Variants in ZFAND6 observed in about 807,000 individuals in gnomAD.
ZFAND6 encodes the protein AN1-type zinc finger protein 6.
A neutral mutation model predicts 24.5 loss-of-function variants in ZFAND6; 12 were observed. That is an observed-to-expected ratio of 0.49 (90% CI 0.31 to 0.79). The LOEUF is 0.79. Ranked by LOEUF, ZFAND6 falls within the 30% of genes least tolerant of loss-of-function variation. ZFAND6 has a pLI of 0.04. For missense variants in ZFAND6, 207 were observed against 245.9 expected, an observed-to-expected ratio of 0.84 and a Z score of 1.06; for synonymous variants, 92 against 81.5, an observed-to-expected ratio of 1.13 and a Z score of -0.69.
chr15:80,063,558 A>ATT lies in ZFAND6; in HGVS notation c.-181+3765_-181+3766dup, dbSNP rs34010352. On this transcript the variant is annotated intron_variant, in intron 1 of 6. Coordinates refer to ENST00000261749, the MANE Select transcript of ZFAND6 (RefSeq NM_019006.4). Reference sequence around the variant, plus strand: ...AGACATGCACCACCACGCCCAGCTAATTTTTTTTTTTTTTTTTGAGACGGA... The same window carrying ATT: ...AGACATGCACCACCACGCCCAGCTAATTTTTTTTTTTTTTTTTTTGAGACGGA... 3.7e-4 allele frequency among the ~76,000 whole-genome samples: 52 copies of ATT among 139,626 alleles called. 1 individual carries two copies. Among genetic ancestry groups the ATT allele is most frequent in the East Asian group, 1.9e-3 (9 of 4,802 alleles). 91.6% of individuals were successfully genotyped at this position (139,626 alleles called of 152,430 possible). A position where few individuals can be genotyped will look rare whatever the true frequency, so the allele number is the denominator to read the frequency against.
At chr15:80,063,953 G>A (rs1320828220) in intron 1 of ZFAND6, among the ~76,000 whole-genome samples, 1 of 152,232 alleles carries the variant, frequency 6.6e-6, no homozygotes, top group African/African-American at 2.4e-5. Flanking sequence ...CTCCCAAAGT[G>A]CTGGGATTAC....
intron 1 of ZFAND6, among the ~76,000 whole-genome samples, chr15:80,075,705 G>A (rs992772673): frequency 2.0e-5 from 3 of 152,102 alleles, no homozygotes; most frequent in Admixed American, 6.5e-5. Context: ...AGAACCTAGA[G>A]CCATTTTTGT....
At chr15:80,101,050 A>G (rs35047470) in intron 2 of ZFAND6, among the ~76,000 whole-genome samples, 11,824 of 152,304 alleles carry the variant, frequency 0.078, 524 homozygotes, top group East Asian at 0.19. Context: ...TAGGTAGCAT[A>G]TTATAAATGC....
intron 2 of ZFAND6, among the ~76,000 whole-genome samples, chr15:80,098,921 AGTTAATATTTT>A: frequency 6.6e-6 from 1 of 152,080 alleles, no homozygotes; most frequent in Non-Finnish European, 1.5e-5. Context: ...AGCCATTTAA[AGTTAATATTTT>A]GACCAAACAA....
At chr15:80,068,723 C>T (rs1300744418) in intron 1 of ZFAND6, among the ~76,000 whole-genome samples, 1 of 152,128 alleles carries the variant, frequency 6.6e-6, no homozygotes, top group Non-Finnish European at 1.5e-5. Context: ...CTCTGAAAGT[C>T]TTGGGATTAC....
chr15:80,065,208 C>T (rs2036555208), intron 1 of ZFAND6, among the ~76,000 whole-genome samples: 1 of 151,088 alleles, frequency 6.6e-6, no homozygotes, highest in African/African-American at 2.4e-5. Flanking sequence ...TTTATTTTGA[C>T]ATATGTGAAG....
At chr15:80,131,318 A>C in intron 6 of ZFAND6, 25 bp downstream of exon 6, 4 of 1,588,752 alleles carry the variant, frequency 2.5e-6, no homozygotes, top group South Asian at 1.1e-5. Flanking sequence ...CAAATGTTTA[A>C]AATTAAAATG....
At chr15:80,134,439 A>C (rs1218687785) in intron 6 of ZFAND6, among the ~76,000 whole-genome samples, 3 of 152,244 alleles carry the variant, frequency 2.0e-5, no homozygotes, top group Non-Finnish European at 4.4e-5. Context: ...TTTCAGGCTC[A>C]TTACACATGG....
At chr15:80,105,956 T>C (rs1440813012) in intron 2 of ZFAND6, among the ~76,000 whole-genome samples, 1 of 152,192 alleles carries the variant, frequency 6.6e-6, no homozygotes, top group Non-Finnish European at 1.5e-5. Context: ...CATTTTGTGG[T>C]TTTGTGGCTA....
chr15:80,131,022 G>C, intron 5 of ZFAND6, 158 bp from the exon 6 acceptor site: 2 of 492,124 alleles, frequency 4.1e-6, no homozygotes, highest in Non-Finnish European at 3.6e-6. Flanking sequence ...TAACAAAAAG[G>C]GGTCATATTT....
chr15:80,079,472 G>A (rs1036764030), intron 1 of ZFAND6, among the ~76,000 whole-genome samples: 7 of 151,656 alleles, frequency 4.6e-5, no homozygotes, highest in African/African-American at 1.2e-4. Context: ...CGCCCACCTC[G>A]GCCTCCCAAA....
chr15:80,130,620 T>C (rs1479084299), intron 5 of ZFAND6: 1 of 152,246 alleles, frequency 6.6e-6, no homozygotes, highest in African/African-American at 2.4e-5. Context: ...CATAAATGCA[T>C]CAACTTATTA....
chr15:80,072,597 AGTGAAGTTAATCTGAG>A (rs1047424990), intron 1 of ZFAND6: 5 of 152,076 alleles, frequency 3.3e-5, no homozygotes, highest in Non-Finnish European at 7.4e-5. Flanking sequence ...TACAGCTTCA[AGTGAAGTTAATCTGAG>A]GTGAAGCAAA....
At chr15:80,111,845 G>T (rs1052522117) in intron 2 of ZFAND6, among the ~76,000 whole-genome samples, 9 of 152,206 alleles carry the variant, frequency 5.9e-5, no homozygotes, top group African/African-American at 2.2e-4. Context: ...ATTGAAGGTG[G>T]TCTTGAATCG....
intron 1 of ZFAND6, among the ~76,000 whole-genome samples, chr15:80,081,856 T>C (rs1317887350): frequency 6.6e-6 from 1 of 152,218 alleles, no homozygotes; most frequent in Non-Finnish European, 1.5e-5. Flanking sequence ...TGCAAACTTG[T>C]GTTTGTTATA....
At chr15:80,066,332 A>C (rs570746196) in intron 1 of ZFAND6, among the ~76,000 whole-genome samples, 4 of 152,092 alleles carry the variant, frequency 2.6e-5, no homozygotes, top group South Asian at 4.2e-4. Context: ...AAAAAAAAAA[A>C]AACGGAGTCT....
intron 5 of ZFAND6, among the ~76,000 whole-genome samples, chr15:80,127,407 G>A (rs2040412303): frequency 6.6e-6 from 1 of 151,884 alleles, no homozygotes; most frequent in African/African-American, 2.4e-5. Context: ...GGCCAACATG[G>A]TGAAACCCCA....
At chr15:80,067,602 T>G (rs998005101) in intron 1 of ZFAND6, among the ~76,000 whole-genome samples, 10 of 152,158 alleles carry the variant, frequency 6.6e-5, no homozygotes, top group African/African-American at 2.4e-4. Flanking sequence ...AAATTTAATT[T>G]AATATTAAAA....
intron 5 of ZFAND6, among the ~76,000 whole-genome samples, chr15:80,124,259 C>T (rs2040275445): frequency 6.6e-6 from 1 of 152,112 alleles, no homozygotes; most frequent in Non-Finnish European, 1.5e-5. Context: ...CGGTGAAACC[C>T]TGTCTCTACT....
Sources: gnomAD v4.1 joint callset for allele counts (sites outside exome capture counted in the v4.1 genomes callset) on GRCh38, gnomAD v4.1.1 for gene constraint, MANE v1.5 for transcripts, NCBI Gene and HGNC (gene_info 2026-07-23, HGNC 2026-07-21) for gene names.